The following ADGRV1 variants were observed in gnomAD, a reference collection of about 807,000 sequenced individuals.
ADGRV1 encodes the protein G-protein coupled receptor 98.
In ADGRV1, 359 loss-of-function variants were observed where a neutral mutation model predicts 596.2. The observed-to-expected ratio is 0.60, with a 90% CI of 0.55 to 0.66. The LOEUF (loss-of-function observed/expected upper bound fraction) is 0.66. ADGRV1 is among the 30% of genes least tolerant of loss of function. The pLI, the probability that ADGRV1 is intolerant of heterozygous loss-of-function variation, is 0.00. For missense variants in ADGRV1, 7,274 were observed against 7,575.6 expected (o/e 0.96, Z 1.48); for synonymous variants, 2,681 against 2,679.2 (o/e 1.00, Z -0.02).
intron 85 of ADGRV1, among the ~76,000 whole-genome samples, chr5:91,071,638 A>G (rs546367203): frequency 4.2e-4 from 64 of 152,224 alleles, no homozygotes; most frequent in African/African-American, 1.5e-3. Context: ...TTTGTTGCAG[A>G]TGCTATTATA....
chr5:90,665,451 G>T (rs1056278866), intron 21 of ADGRV1, among the ~76,000 whole-genome samples: 18 of 152,258 alleles, frequency 1.2e-4, no homozygotes, highest in African/African-American at 1.7e-4. Flanking sequence ...TGTGGGATCA[G>T]TGGTGATATT....
chr5:90,684,535 G>T (rs1745357547), intron 28 of ADGRV1, among the ~76,000 whole-genome samples: 1 of 152,132 alleles, frequency 6.6e-6, no homozygotes, highest in African/African-American at 2.4e-5. Flanking sequence ...AAACTGGGTG[G>T]CTTAGAAACA....
Position 90,783,968 on chromosome 5 carries a change from C to A in ADGRV1, c.13564C>A (p.Gln4522Lys). ...SPFGVIRFLNQSKISIANPNS... is the reference protein window; with the variant it reads ...SPFGVIRFLNKSKISIANPNS... ...CTTTGGAGTTATAAGGTTTCTCAAT[C>A]AAAGCAAAATTTCTATTGCTAATCC... The change falls in exon 67 of 90, where the codon CAA becomes AAA. Residue 4522 changes from glutamine to lysine, a missense_variant. Physicochemically the swap from Gln to Lys is moderately conservative, Grantham distance 53. Around this residue, in one of 5 missense-constraint regions of ADGRV1, gnomAD observed 3,643 missense variants for 3,809.2 expected, o/e 0.96. Transcript: ENST00000405460. 6.2e-7 allele frequency: 1 copy of A among 1,612,260 alleles called. No individual in the cohort carries two copies. Among genetic ancestry groups the A allele is most frequent in the South Asian group, 1.1e-5 (1 of 90,618 alleles).
intron 84 of ADGRV1, among the ~76,000 whole-genome samples, chr5:90,974,288 A>G (rs1373008792): frequency 1.3e-5 from 2 of 152,224 alleles, no homozygotes; most frequent in African/African-American, 4.8e-5. Flanking sequence ...GGTAATTTAT[A>G]GATTCAATGC....
intron 6 of ADGRV1, 29 bp from the exon 7 acceptor site, chr5:90,627,182 T>C: frequency 7.6e-7 from 1 of 1,318,682 alleles, no homozygotes; most frequent in Non-Finnish European, 1.0e-6. Context: ...GCTGTTGATG[T>C]TTTGCCTCTG....
chr5:90,794,589 T>C (rs1760461215), intron 70 of ADGRV1, among the ~76,000 whole-genome samples: 1 of 152,068 alleles, frequency 6.6e-6, no homozygotes, highest in South Asian at 2.1e-4. Flanking sequence ...TATAAGAGCA[T>C]GTGGATAAAT....
intron 14 of ADGRV1, 42 bp downstream of exon 14, chr5:90,644,025 A>G (rs1383956372): frequency 2.4e-5 from 31 of 1,290,750 alleles, no homozygotes; most frequent in African/African-American, 3.0e-5. Context: ...TGTTTACTGA[A>G]GAAGAAATAT....
At position 90,651,566 on chromosome 5, in the gene ADGRV1, A is replaced by C. The variant is rs748275060; in HGVS notation, c.3290-38A>C. ...GTATAAATTTTACAGCAAGTTAGCT[A>C]CTTCTTTGTTATTTTGTCTTTTCCA... On this transcript the variant is annotated intron_variant, in intron 17 of 89. Coordinates refer to ENST00000405460, the MANE Select transcript of ADGRV1 (RefSeq NM_032119.4). The C allele has an allele frequency of 1.9e-5, 26 of 1,387,950 alleles. No homozygotes were observed. The South Asian group carries it at 3.4e-4, about 18-fold the overall frequency. 86.0% of individuals were successfully genotyped at this position (1,387,950 alleles called of 1,614,324 possible). A position where few individuals can be genotyped will look rare whatever the true frequency, so the allele number is the denominator to read the frequency against.
At chr5:90,606,804 C>T (rs75950174) in intron 1 of ADGRV1, among the ~76,000 whole-genome samples, 1,897 of 151,554 alleles carry the variant, frequency 0.013, 40 homozygotes, top group African/African-American at 0.043. Context: ...TTTATATCAT[C>T]CTGGGATTTC....
At chr5:91,143,890 T>C (rs561318616) in intron 87 of ADGRV1, among the ~76,000 whole-genome samples, 3 of 152,266 alleles carry the variant, frequency 2.0e-5, no homozygotes, top group African/African-American at 7.2e-5. Flanking sequence ...CCCTCCCATG[T>C]TCATTGGCAT....
chr5:90,970,296 G>A (rs1409460088), intron 84 of ADGRV1, among the ~76,000 whole-genome samples: 1 of 152,148 alleles, frequency 6.6e-6, no homozygotes, highest in Admixed American at 6.5e-5. Context: ...CCACCTCTGG[G>A]GGCAGGGCAT....
intron 83 of ADGRV1, among the ~76,000 whole-genome samples, chr5:90,939,000 A>T (rs959249028): frequency 1.7e-4 from 26 of 152,330 alleles, no homozygotes; most frequent in Middle Eastern, 3.4e-3. Context: ...CTGGTGGAAG[A>T]CTATCAGTTA....
chr5:90,956,140 G>T lies in ADGRV1; in HGVS notation c.17857-9275G>T, dbSNP rs549403280. Among the ~76,000 whole-genome samples the T allele has an allele frequency of 3.2e-3, 493 of 152,170 alleles. 4 individuals carry two copies. Among genetic ancestry groups the T allele is most frequent in the Non-Finnish European group, 4.5e-3 (304 of 67,978 alleles). On this transcript the variant is annotated intron_variant, in intron 83 of 89. Coordinates refer to ENST00000405460, the MANE Select transcript of ADGRV1 (RefSeq NM_032119.4). ...GTCCAAGGAATTCCATAAGAAAGTT[G>T]AATCAAAATATTTTCAATTGATAAC... is the stretch of plus-strand genomic sequence containing the variant.
chr5:91,123,742 C>A (rs550358784), intron 87 of ADGRV1, among the ~76,000 whole-genome samples: 1 of 152,292 alleles, frequency 6.6e-6, no homozygotes, highest in African/African-American at 2.4e-5. Flanking sequence ...TCATTTAAAT[C>A]AGTTAATTAA....
chr5:90,675,510 A>G, intron 24 of ADGRV1, 65 bp downstream of exon 24: 1 of 1,419,194 alleles, frequency 7.0e-7, no homozygotes, highest in African/African-American at 1.4e-5. Context: ...CCTTCTCTGG[A>G]AGGGATATAC....
chr5:90,967,449 A>G (rs573967464), intron 84 of ADGRV1, among the ~76,000 whole-genome samples: 1 of 152,324 alleles, frequency 6.6e-6, no homozygotes, highest in East Asian at 1.9e-4. Context: ...AATTAGAATA[A>G]CATTTGCGAG....
At chr5:90,746,246 G>A (rs1580980825) in intron 52 of ADGRV1, among the ~76,000 whole-genome samples, 1 of 116,172 alleles carries the variant, frequency 8.6e-6, no homozygotes, top group Admixed American at 1.0e-4. Context: ...GGGGTGGGGG[G>A]AGGGTGGAGG....
chr5:90,841,373 A>G (rs1765411548), intron 78 of ADGRV1, among the ~76,000 whole-genome samples: 1 of 152,200 alleles, frequency 6.6e-6, no homozygotes, highest in South Asian at 2.1e-4. Flanking sequence ...GATTATCTAC[A>G]TAGTCCTTCC....
intron 87 of ADGRV1, among the ~76,000 whole-genome samples, chr5:91,129,482 A>T (rs1794034130): frequency 2.0e-5 from 3 of 152,208 alleles, no homozygotes; most frequent in African/African-American, 7.2e-5. Context: ...GACATCATAG[A>T]TCAAAGTTTG....
Sources: allele counts gnomAD v4.1 joint callset (sites outside exome capture counted in the v4.1 genomes callset), GRCh38; gene constraint gnomAD v4.1.1; regional missense constraint gnomAD v4.1.1; transcripts MANE v1.5; gene names NCBI Gene and HGNC (gene_info 2026-07-23, HGNC 2026-07-21).